The following HRH2 variants were observed in gnomAD, a reference collection of about 807,000 sequenced individuals.
HRH2 encodes the protein histamine H2 receptor.
Under a neutral mutation model 20.1 loss-of-function variants are expected in HRH2, and 4 were observed. That is an observed-to-expected ratio of 0.20 (90% CI 0.10 to 0.45). The LOEUF is 0.45. HRH2 is among the 20% of genes least tolerant of loss of function. The probability of loss-of-function intolerance (pLI) is 0.99; values close to 1 mark genes in which losing one functional copy is unlikely to be tolerated. For missense variants in HRH2, 250 were observed against 461.6 expected (o/e 0.54, Z 4.20); for synonymous variants, 197 against 200.7 (o/e 0.98, Z 0.16).
In HRH2 at chr5:175,693,883, C is replaced by T. The variant is rs1756467624; in HGVS notation, c.1076+9574C>T. Reference sequence around the variant, plus strand: ...TGGCTGCTGAGTTTCCTGCCGTCTCCCCCATTCACTCATCCCTTACCAGAC... The same window carrying T: ...TGGCTGCTGAGTTTCCTGCCGTCTCTCCCATTCACTCATCCCTTACCAGAC... On this transcript the variant is annotated intron_variant, in intron 2 of 2. Coordinates refer to ENST00000636584, the MANE Select transcript of HRH2 (RefSeq NM_001367711.1). The surrounding 1 kb of genome is among the most constrained non-coding windows in gnomAD (Gnocchi z 4.4). Among the ~76,000 whole-genome samples, 1 of 152,152 alleles carries T rather than the reference C, an allele frequency of 6.6e-6. No individual in the cohort carries two copies. The highest frequency in any genetic ancestry group is 2.1e-4 in the South Asian group (1 of 4,822).
chr5:175,703,130 T>G (rs970184520), intron 2 of HRH2, among the ~76,000 whole-genome samples: 1 of 152,210 alleles, frequency 6.6e-6, no homozygotes, highest in Non-Finnish European at 1.5e-5. Context: ...ACACTGTCAC[T>G]AATAACTAGA....
At chr5:175,706,860 GT>G (rs1401118266) in intron 2 of HRH2, among the ~76,000 whole-genome samples, 2 of 152,220 alleles carry the variant, frequency 1.3e-5, no homozygotes, top group African/African-American at 4.8e-5. Flanking sequence ...AGGCATGACG[GT>G]TCCCTTCCCT....
intron 1 of HRH2, among the ~76,000 whole-genome samples, chr5:175,680,968 A>G (rs1028344022): frequency 6.6e-5 from 10 of 152,146 alleles, no homozygotes; most frequent in Non-Finnish European, 1.3e-4. Flanking sequence ...AGAGAAGGAA[A>G]GGATTTTCTA....
chr5:175,666,229 C>A lies in HRH2; in HGVS notation c.-526+8074C>A, dbSNP rs894122859. ...CTGAGCCAGTGTGGGAGTTTCTTGC[C>A]CTGCAGTCCCCAGACTGTGTTCCTG... is the stretch of plus-strand genomic sequence containing the variant. On this transcript the variant is annotated intron_variant, in intron 1 of 2. Coordinates refer to ENST00000636584, the MANE Select transcript of HRH2 (RefSeq NM_001367711.1). Among the ~76,000 whole-genome samples the A allele has an allele frequency of 3.3e-5, 5 of 152,296 alleles. No individual in the cohort carries two copies. In the East Asian group the frequency reaches 9.7e-4, roughly 29 times the overall value.
chr5:175,679,972 C>T (rs1399149100), intron 1 of HRH2, among the ~76,000 whole-genome samples: 1 of 152,224 alleles, frequency 6.6e-6, no homozygotes, highest in Non-Finnish European at 1.5e-5. Context: ...GAGCCTCAGT[C>T]TCCTCAACCG....
At chr5:175,673,402 A>T (rs944007372) in intron 1 of HRH2, among the ~76,000 whole-genome samples, 3 of 152,188 alleles carry the variant, frequency 2.0e-5, no homozygotes, top group African/African-American at 7.2e-5. Flanking sequence ...TAGAAAAAAG[A>T]ATCAGGGGTC....
intron 2 of HRH2, chr5:175,691,173 G>A (rs1561735220): frequency 6.6e-6 from 1 of 152,286 alleles, no homozygotes; most frequent in African/African-American, 2.4e-5. Flanking sequence ...GCGGCCACGC[G>A]GAGCAACGGC....
Position 175,688,779 on chromosome 5 carries a change from G to T in HRH2, c.1076+4470G>T, listed in dbSNP as rs1468887750. On this transcript the variant is annotated intron_variant, in intron 2 of 2. Coordinates refer to ENST00000636584, the MANE Select transcript of HRH2 (RefSeq NM_001367711.1). ...GGGAAAATGAGGCACAGGGAGGCAA[G>T]TGACCCGTCTGAGGTGTGAAGCAAG... Among the ~76,000 whole-genome samples, 3 of 152,234 alleles carry T rather than the reference G, an allele frequency of 2.0e-5. No individual in the cohort carries two copies. The South Asian group carries it at 6.2e-4, about 31-fold the overall frequency.
chr5:175,685,294 A>G (rs1756132589), intron 2 of HRH2: 6 of 936,056 alleles, frequency 6.4e-6, no homozygotes, highest in Non-Finnish European at 9.5e-6. Flanking sequence ...GTGAGGAGAG[A>G]CAGCTTACTG....
At chr5:175,694,174 CTTTG>C (rs1756483039) in intron 2 of HRH2, among the ~76,000 whole-genome samples, 1 of 152,156 alleles carries the variant, frequency 6.6e-6, no homozygotes, top group South Asian at 2.1e-4. Context: ...GTGTAAGATA[CTTTG>C]TTTTATTCTG....
rs916937665 is a variant in HRH2 at position 175,693,317 on chromosome 5, C to G, written c.1076+9008C>G. Reference sequence around the variant, plus strand: ...TGAGGCTCTCCTGGGGCATAAGGACCATTCCCTCCCCACCCTGCCTGGAGA... The same window carrying G: ...TGAGGCTCTCCTGGGGCATAAGGACGATTCCCTCCCCACCCTGCCTGGAGA... On this transcript the variant is annotated intron_variant, in intron 2 of 2. Transcript: ENST00000636584. This position sits in a 1 kb window ranked among gnomAD's most constrained non-coding sequence, Gnocchi z 4.4. 6.6e-6 allele frequency among the ~76,000 whole-genome samples: 1 copy of G among 152,172 alleles called. No homozygotes were observed. The highest frequency in any genetic ancestry group is 2.4e-5 in the African/African-American group (1 of 41,436).
At position 175,687,830 on chromosome 5, in the gene HRH2, G is replaced by A. The variant is rs375337375; in HGVS notation, c.1076+3521G>A. 1.3e-5 allele frequency among the ~76,000 whole-genome samples: 2 copies of A among 152,230 alleles called. No individual in the cohort carries two copies. The highest frequency in any genetic ancestry group is 1.9e-4 in the East Asian group (1 of 5,160). ...GGACCCTCCTCTGCCTCCCACGGCC[G>A]CCTGCACATAGGTAGCCCTGTGTCC... On this transcript the variant is annotated intron_variant, in intron 2 of 2. Transcript: ENST00000636584. This position sits in a 1 kb window ranked among gnomAD's most constrained non-coding sequence, Gnocchi z 5.2.
At chr5:175,703,989 G>T (rs1435213616) in intron 2 of HRH2, 1 of 152,092 alleles carries the variant, frequency 6.6e-6, no homozygotes, top group Admixed American at 6.6e-5. Context: ...AAATTCATGA[G>T]AATTCCATAT....
At chr5:175,700,733 A>T (rs1756765970) in intron 2 of HRH2, among the ~76,000 whole-genome samples, 1 of 152,108 alleles carries the variant, frequency 6.6e-6, no homozygotes. Flanking sequence ...AAAATAATAA[A>T]AAAAATTAGC....
At chr5:175,675,479 T>G (rs1164667720) in intron 1 of HRH2, among the ~76,000 whole-genome samples, 1 of 152,216 alleles carries the variant, frequency 6.6e-6, no homozygotes, top group Admixed American at 6.5e-5. Flanking sequence ...ATTTTTATCC[T>G]AACAACAGGA....
intron 2 of HRH2, among the ~76,000 whole-genome samples, chr5:175,695,856 G>A (rs982551290): frequency 4.6e-5 from 7 of 152,238 alleles, no homozygotes; most frequent in Non-Finnish European, 1.0e-4. Context: ...CCATCTGAGA[G>A]GTGCCCAGGT....
rs1756085035 is a variant in HRH2 at position 175,684,147 on chromosome 5, G to C, written c.914G>C (p.Cys305Ser). The change falls in exon 2 of 3, where the codon TGC becomes TCC. Residue 305 changes from cysteine to serine, a missense_variant. By Grantham distance (112) the Cys-to-Ser change is moderately radical. This residue lies in a region of HRH2 where 55 missense variants were observed against 66.9 expected (regional missense o/e 0.82). Coordinates refer to ENST00000636584, the MANE Select transcript of HRH2 (RefSeq NM_001367711.1). Reference sequence around the variant, plus strand: ...ACCGGGTACCAACAGCTCTTCTGCTGCAGGCTGGCCAACCGCAACTCCCAC... The same window carrying C: ...ACCGGGTACCAACAGCTCTTCTGCTCCAGGCTGGCCAACCGCAACTCCCAC... ...FRTGYQQLFC[C>S]RLANRNSHKT... is the part of the protein sequence containing the mutation. 6.2e-7 allele frequency: 1 copy of C among 1,614,064 alleles called. No homozygotes were observed. The highest frequency in any genetic ancestry group is 1.3e-5 in the African/African-American group (1 of 74,914).
At chr5:175,694,204 G>A (rs1300381397) in intron 2 of HRH2, among the ~76,000 whole-genome samples, 1 of 152,122 alleles carries the variant, frequency 6.6e-6, no homozygotes, top group Non-Finnish European at 1.5e-5. Context: ...GGACCTCATA[G>A]GCCACCACTT....
intron 1 of HRH2, among the ~76,000 whole-genome samples, chr5:175,679,018 G>A (rs1052283961): frequency 6.6e-6 from 1 of 152,170 alleles, no homozygotes; most frequent in African/African-American, 2.4e-5. Context: ...TTCTTCTGGG[G>A]TTTCATGAGT....
Sources: allele counts gnomAD v4.1 joint callset (sites outside exome capture counted in the v4.1 genomes callset), GRCh38; gene constraint gnomAD v4.1.1; regional missense constraint gnomAD v4.1.1; non-coding constraint Gnocchi (gnomAD v3.1); transcripts MANE v1.5; gene names NCBI Gene and HGNC (gene_info 2026-07-23, HGNC 2026-07-21).